SAMTOR: variants seen among roughly 807,000 people sequenced by gnomAD.
The protein encoded by SAMTOR is S-adenosylmethionine sensor upstream of mTORC1, also known as UPF0532 protein C7orf60.
At chr7:112,880,963 T>C in the SAMTOR span, among the ~76,000 whole-genome samples, 1,648 of 152,080 alleles carry the variant, frequency 0.011, 31 homozygotes, top group African/African-American at 0.037. Flanking sequence ...AGACCCTTCC[T>C]CTCCCAAGTT....
chr7:112,903,437 T>G, the SAMTOR span, among the ~76,000 whole-genome samples: 1 of 151,728 alleles, frequency 6.6e-6, no homozygotes, highest in East Asian at 1.9e-4. Context: ...GATGGGATCC[T>G]GGATTGAAAA....
At chr7:112,916,505 G>C in the SAMTOR span, among the ~76,000 whole-genome samples, 2 of 152,210 alleles carry the variant, frequency 1.3e-5, no homozygotes, top group South Asian at 4.1e-4. Context: ...ACAGCTCCCA[G>C]CGTGACTGAA....
chr7:112,886,597 C>T, the SAMTOR span, among the ~76,000 whole-genome samples: 381 of 152,302 alleles, frequency 2.5e-3, 2 homozygotes, highest in African/African-American at 8.8e-3. Context: ...AAGAGAGCAT[C>T]AGCTTATGTT....
the SAMTOR span, among the ~76,000 whole-genome samples, chr7:112,826,569 A>G: frequency 1.3e-5 from 2 of 152,156 alleles, no homozygotes; most frequent in South Asian, 4.1e-4. Flanking sequence ...ATCTACTCAA[A>G]GAACTAGCTT....
At chr7:112,878,617 G>A in the SAMTOR span, among the ~76,000 whole-genome samples, 3 of 152,268 alleles carry the variant, frequency 2.0e-5, no homozygotes, top group African/African-American at 7.2e-5. Flanking sequence ...TAAGTAATGG[G>A]TTGTAAAAGG....
chr7:112,929,990 A>T, the SAMTOR span, among the ~76,000 whole-genome samples: 1 of 35,466 alleles, frequency 2.8e-5, no homozygotes, highest in Admixed American at 5.7e-4. Context: ...CTAAAAAAGC[A>T]AAAAAATACA....
chr7:112,880,938 C>T, the SAMTOR span, among the ~76,000 whole-genome samples: 1 of 152,064 alleles, frequency 6.6e-6, no homozygotes, highest in Non-Finnish European at 1.5e-5. Flanking sequence ...CTGGCAGGAT[C>T]CGGGAACAGG....
chr7:112,821,665 T>A, the SAMTOR span: 5 of 1,356,506 alleles, frequency 3.7e-6, no homozygotes, highest in Non-Finnish European at 5.0e-6. Flanking sequence ...TTTTCAGTAC[T>A]GAGTTCATGT....
the SAMTOR span, among the ~76,000 whole-genome samples, chr7:112,829,806 A>G: frequency 6.6e-6 from 1 of 152,140 alleles, no homozygotes; most frequent in African/African-American, 2.4e-5. Context: ...ACTCTATTAA[A>G]TGTCTGTGAA....
the SAMTOR span, chr7:112,822,049 A>T: frequency 1.2e-6 from 2 of 1,613,722 alleles, no homozygotes; most frequent in South Asian, 1.1e-5. Context: ...GAGTACTTGA[A>T]GCGTTTAAAG....
the SAMTOR span, among the ~76,000 whole-genome samples, chr7:112,866,805 G>T: frequency 6.6e-6 from 1 of 152,216 alleles, no homozygotes; most frequent in Admixed American, 6.5e-5. Flanking sequence ...TCTCGAAAGT[G>T]TTTAAAAATT....
At chr7:112,882,131 C>T in the SAMTOR span, among the ~76,000 whole-genome samples, 7 of 152,350 alleles carry the variant, frequency 4.6e-5, no homozygotes, top group East Asian at 1.2e-3. Flanking sequence ...TTGTCTGGAG[C>T]TGCATGCCCC....
the SAMTOR span, among the ~76,000 whole-genome samples, chr7:112,919,429 T>C: frequency 2.6e-5 from 4 of 151,334 alleles, no homozygotes; most frequent in Admixed American, 6.6e-5. Context: ...TACCAGAATC[T>C]CTGGGACACA....
At chr7:112,922,330 C>T in the SAMTOR span, among the ~76,000 whole-genome samples, 2 of 152,196 alleles carry the variant, frequency 1.3e-5, no homozygotes, top group Non-Finnish European at 2.9e-5. Flanking sequence ...CAGCTGCCTG[C>T]CTTGGCCTCC....
chr7:112,843,002 T>A, the SAMTOR span, among the ~76,000 whole-genome samples: 3 of 152,042 alleles, frequency 2.0e-5, no homozygotes, highest in African/African-American at 7.2e-5. Flanking sequence ...TGAAAATGCA[T>A]GTTCAGTTGC....
the SAMTOR span, among the ~76,000 whole-genome samples, chr7:112,936,844 C>T: frequency 6.6e-6 from 1 of 152,150 alleles, no homozygotes; most frequent in South Asian, 2.1e-4. Context: ...CCATTCCCAT[C>T]AATTTATAAC....
At chr7:112,848,103 T>C in the SAMTOR span, among the ~76,000 whole-genome samples, 2 of 152,168 alleles carry the variant, frequency 1.3e-5, no homozygotes, top group Non-Finnish European at 2.9e-5. Context: ...TACTGAGCTA[T>C]GATCATGCTA....
At chr7:112,868,712 A>G in the SAMTOR span, among the ~76,000 whole-genome samples, 1 of 152,308 alleles carries the variant, frequency 6.6e-6, no homozygotes, top group East Asian at 1.9e-4. Flanking sequence ...TCAGTCAGAG[A>G]CTGGAGTGCT....
chr7:112,939,451 G>T, the SAMTOR span: 1 of 1,360,736 alleles, frequency 7.3e-7, no homozygotes, highest in East Asian at 2.5e-5. Flanking sequence ...CTCAGACCAG[G>T]CCCGGGAGAG....
Sources: gnomAD v4.1 joint callset for allele counts (sites outside exome capture counted in the v4.1 genomes callset) on GRCh38, gnomAD v4.1.1 for gene constraint, MANE v1.5 for transcripts, NCBI Gene and HGNC (gene_info 2026-07-23, HGNC 2026-07-21) for gene names.